Variants in KIAA1217 observed in about 807,000 individuals in gnomAD.
The protein encoded by KIAA1217 is sickle tail protein homolog.
KIAA1217 carries 88 observed loss-of-function variants against 163.9 expected under a neutral mutation model. The observed-to-expected ratio is 0.54, with a 90% CI of 0.45 to 0.64. The LOEUF is 0.64. KIAA1217 is among the 30% of genes least tolerant of loss of function. The pLI, the probability that KIAA1217 is intolerant of heterozygous loss-of-function variation, is 0.00. For synonymous variants in KIAA1217, 903 were observed against 923.1 expected, an observed-to-expected ratio of 0.98 and a Z score of 0.39; for missense variants, 2,372 against 2,475.0, an observed-to-expected ratio of 0.96 and a Z score of 0.88.
chr10:24,125,025 G>A (rs2063416177), intron 2 of KIAA1217, among the ~76,000 whole-genome samples: 1 of 152,148 alleles, frequency 6.6e-6, no homozygotes, highest in African/African-American at 2.4e-5. Context: ...TGTAATCCCA[G>A]CACTTTGGGA....
chr10:23,982,529 T>TTCTCTCTCTCTCTCTCTCTC (rs59075123), intron 1 of KIAA1217, among the ~76,000 whole-genome samples: 5 of 73,628 alleles, frequency 6.8e-5, no homozygotes, highest in East Asian at 4.6e-4. Context: ...TGTTTTTTGT[T>TTCTCTCTCTCTCTCTCTCTC]TCTCTCTCTC....
chr10:23,950,407 T>C (rs115050578), intron 1 of KIAA1217, among the ~76,000 whole-genome samples: 2,671 of 152,226 alleles, frequency 0.018, 76 homozygotes, highest in African/African-American at 0.061. Context: ...TTTTTATTTT[T>C]TTCCCTTGGA....
At chr10:24,532,230 C>T (rs998044746) in intron 15 of KIAA1217, among the ~76,000 whole-genome samples, 1 of 152,164 alleles carries the variant, frequency 6.6e-6, no homozygotes, top group Admixed American at 6.5e-5. Flanking sequence ...ATGCAAATCA[C>T]AAGCTATTTC....
chr10:24,034,845 A>G (rs1848326746), intron 2 of KIAA1217, among the ~76,000 whole-genome samples: 1 of 150,838 alleles, frequency 6.6e-6, no homozygotes, highest in Admixed American at 6.6e-5. Context: ...TCTTCAACAC[A>G]GGATGTTGTT....
At position 24,335,789 on chromosome 10, in the gene KIAA1217, T is replaced by C. The variant is rs1028826357; in HGVS notation, c.355-45080T>C. On this transcript the variant is annotated intron_variant, in intron 2 of 20. Coordinates refer to ENST00000376454, the MANE Select transcript of KIAA1217 (RefSeq NM_019590.5). ...CACACCCAGCCACTGTAAAAAAATTTTGTAGACATAAGAGGTCTCCTAATG... is the reference window on the plus strand; with the variant it reads ...CACACCCAGCCACTGTAAAAAAATTCTGTAGACATAAGAGGTCTCCTAATG... Among the ~76,000 whole-genome samples, 8 of 152,044 alleles carry C rather than the reference T, an allele frequency of 5.3e-5. No individual in the cohort carries two copies. In the East Asian group the frequency reaches 9.7e-4, roughly 18 times the overall value.
At position 24,251,369 on chromosome 10, in the gene KIAA1217, C is replaced by T. The variant is rs11592272; in HGVS notation, c.354+31460C>T. On this transcript the variant is annotated intron_variant, in intron 2 of 20. Coordinates refer to ENST00000376454, the MANE Select transcript of KIAA1217 (RefSeq NM_019590.5). ...GAGCTGTGATTGTAACTACTGCATT[C>T]TAGCCTAAGAAACAGAAAGAGACAC... Among the ~76,000 whole-genome samples, 3 of 129,874 alleles carry T rather than the reference C, an allele frequency of 2.3e-5. No homozygotes were observed. In the East Asian group the frequency reaches 7.3e-4, roughly 31 times the overall value. 85.2% of individuals were successfully genotyped at this position (129,874 alleles called of 152,430 possible).
intron 1 of KIAA1217, among the ~76,000 whole-genome samples, chr10:23,978,906 G>T (rs1475320542): frequency 6.6e-6 from 1 of 152,054 alleles, no homozygotes; most frequent in East Asian, 1.9e-4. Flanking sequence ...CTCTCTGGTG[G>T]CTCTGTCGGT....
intron 2 of KIAA1217, among the ~76,000 whole-genome samples, chr10:24,378,635 C>CTT (rs35109271): frequency 0.011 from 1,665 of 149,508 alleles, 44 homozygotes; most frequent in African/African-American, 0.038. Flanking sequence ...GCTATTTTGA[C>CTT]TTTTTTTTTT....
intron 1 of KIAA1217, among the ~76,000 whole-genome samples, chr10:23,987,458 T>C (rs978379732): frequency 6.5e-4 from 99 of 151,974 alleles, no homozygotes; most frequent in African/African-American, 2.3e-3. Flanking sequence ...ATATGGTACT[T>C]ATGTTCATGT....
chr10:24,087,482 G>A (rs1048315845), intron 2 of KIAA1217, among the ~76,000 whole-genome samples: 10 of 151,458 alleles, frequency 6.6e-5, no homozygotes, highest in African/African-American at 1.9e-4. Context: ...AATACATGAG[G>A]TTTTATTATT....
intron 2 of KIAA1217, among the ~76,000 whole-genome samples, chr10:24,095,058 C>A (rs528496910): frequency 5.3e-4 from 80 of 152,300 alleles, no homozygotes; most frequent in Non-Finnish European, 5.9e-5. Flanking sequence ...ATATATTCTT[C>A]TGATGCGCCG....
At chr10:24,275,105 T>C (rs12413393) in intron 2 of KIAA1217, among the ~76,000 whole-genome samples, 2,126 of 152,258 alleles carry the variant, frequency 0.014, 168 homozygotes, top group Admixed American at 0.13. Context: ...GCCCAGCTAA[T>C]TTTTTAATTT....
intron 2 of KIAA1217, among the ~76,000 whole-genome samples, chr10:24,099,129 T>G (rs775752884): frequency 2.0e-5 from 3 of 152,156 alleles, no homozygotes; most frequent in African/African-American, 7.2e-5. Flanking sequence ...CAGGAAGAAG[T>G]TGGGAAGGCC....
intron 1 of KIAA1217, among the ~76,000 whole-genome samples, chr10:23,705,903 G>C: frequency 6.6e-6 from 1 of 152,048 alleles, no homozygotes; most frequent in South Asian, 2.1e-4. Context: ...GCATGGTATG[G>C]CTTTCCATTT....
At chr10:24,041,830 A>T (rs1478876423) in intron 2 of KIAA1217, among the ~76,000 whole-genome samples, 1 of 152,076 alleles carries the variant, frequency 6.6e-6, no homozygotes, top group East Asian at 1.9e-4. Context: ...AATAATATCA[A>T]CCACACATCT....
intron 1 of KIAA1217, among the ~76,000 whole-genome samples, chr10:24,212,289 G>A (rs1300780821): frequency 1.3e-5 from 2 of 152,148 alleles, no homozygotes; most frequent in Non-Finnish European, 2.9e-5. Context: ...GAGTATTTAC[G>A]AAGAACAGAT....
intron 2 of KIAA1217, among the ~76,000 whole-genome samples, chr10:24,365,506 C>CTT (rs2050659041): frequency 6.6e-6 from 1 of 152,010 alleles, no homozygotes. Flanking sequence ...TTGTGGTCTA[C>CTT]TTCAGGGTAT....
chr10:24,195,930 A>T (rs1185377208), intron 2 of KIAA1217, among the ~76,000 whole-genome samples: 1 of 151,670 alleles, frequency 6.6e-6, no homozygotes, highest in East Asian at 1.9e-4. Flanking sequence ...GCAGTTTGAG[A>T]CTATTCTGGG....
chr10:24,545,404 C>T (rs1196853553), intron 20 of KIAA1217: 18 of 1,310,584 alleles, frequency 1.4e-5, no homozygotes, highest in Admixed American at 6.7e-5. Flanking sequence ...CTGAACACCT[C>T]GGGAAGCAGA....
Sources: gnomAD v4.1 joint callset for allele counts (sites outside exome capture counted in the v4.1 genomes callset) on GRCh38, gnomAD v4.1.1 for gene constraint, MANE v1.5 for transcripts, NCBI Gene and HGNC (gene_info 2026-07-23, HGNC 2026-07-21) for gene names.